CASZ1: variants seen among roughly 807,000 people sequenced by gnomAD.
The protein encoded by CASZ1 is zinc finger protein castor homolog 1.
A neutral mutation model predicts 135.2 loss-of-function variants in CASZ1; 28 were observed. That is an observed-to-expected ratio of 0.21 (90% confidence interval 0.15 to 0.28). The LOEUF is 0.28. Ranked by LOEUF, CASZ1 falls within the 10% of genes least tolerant of loss-of-function variation. The probability of loss-of-function intolerance (pLI) is 1.00; values close to 1 mark genes in which losing one functional copy is unlikely to be tolerated. For synonymous variants in CASZ1, 1,068 were observed against 1,073.4 expected (o/e 0.99, Z 0.10); for missense variants, 2,161 against 2,453.3 (o/e 0.88, Z 2.52).
At position 10,700,068 on chromosome 1, in the gene CASZ1, AAGAG is replaced by A. The variant is rs1243067247; in HGVS notation, c.-24+5420_-24+5423del. 7.0e-4 allele frequency among the ~76,000 whole-genome samples: 55 copies of A among 78,406 alleles called. No homozygotes were observed. The East Asian group carries it at 0.016, about 24-fold the overall frequency. The allele number at this position is 78,406 out of a possible 152,430, so 51.4% of individuals were successfully genotyped here. On this transcript the variant is annotated intron_variant, in intron 3 of 20. Transcript: ENST00000377022. This position sits in a 1 kb window ranked among gnomAD's most constrained non-coding sequence, Gnocchi z 4.2. The stretch of plus-strand genomic sequence containing the variant: ...AGAGAGAAAGAGAGACAGAGAGAGA[AAGAG>A]AGATAGAGACACACACACACACACA...
intron 2 of CASZ1, among the ~76,000 whole-genome samples, chr1:10,715,744 TCCC>T (rs1639372351): frequency 3.1e-5 from 1 of 32,042 alleles, no homozygotes; most frequent in Admixed American, 3.8e-4. Flanking sequence ...CCCAATCCGC[TCCC>T]CACAGCACCC....
chr1:10,644,870 C>T, intron 18 of CASZ1, 47 bp downstream of exon 18: 4 of 1,577,548 alleles, frequency 2.5e-6, no homozygotes, highest in Non-Finnish European at 1.7e-6. Context: ...GGGCCATGGT[C>T]TTGATGCCTG....
rs1363922421 is a variant in CASZ1 at position 10,777,601 on chromosome 1, A to C, written c.-233-16744T>G. Among the ~76,000 whole-genome samples the C allele has an allele frequency of 1.3e-5, 2 of 151,950 alleles. No homozygotes were observed. The highest frequency in any genetic ancestry group is 2.9e-5 in the Non-Finnish European group (2 of 67,952). Reference sequence around the variant, plus strand: ...GAGGGGGAAAGAAGCGACACACAAAAACACAACCACACACACAAACACAAT... The same window carrying C: ...GAGGGGGAAAGAAGCGACACACAAACACACAACCACACACACAAACACAAT... On this transcript the variant is annotated intron_variant, in intron 1 of 20. Coordinates refer to ENST00000377022, the MANE Select transcript of CASZ1 (RefSeq NM_001079843.3). The surrounding 1 kb of genome is among the most constrained non-coding windows in gnomAD (Gnocchi z 4.4).
chr1:10,696,694 A>G (rs1638941249), intron 3 of CASZ1, among the ~76,000 whole-genome samples: 1 of 152,244 alleles, frequency 6.6e-6, no homozygotes, highest in South Asian at 2.1e-4. Context: ...GGCAAGGGAT[A>G]GAAGAGGTGA....
chr1:10,690,737 C>T (rs983307471), intron 4 of CASZ1, among the ~76,000 whole-genome samples: 3 of 152,230 alleles, frequency 2.0e-5, no homozygotes, highest in Admixed American at 1.3e-4. Flanking sequence ...GGCCCTTGAC[C>T]TTGTAGAGCC....
chr1:10,767,654 T>TA lies in CASZ1; in HGVS notation c.-233-6798dup, dbSNP rs1220807491. On this transcript the variant is annotated intron_variant, in intron 1 of 20. Transcript: ENST00000377022. The surrounding 1 kb of genome is among the most constrained non-coding windows in gnomAD (Gnocchi z 4.2). ...GATATTTCCTCTCTCACTTGCTTTTTAAAAAAAATTTAATGTTCTCTATAA... is the reference window on the plus strand; with the variant it reads ...GATATTTCCTCTCTCACTTGCTTTTTAAAAAAAAATTTAATGTTCTCTATAA... 3.3e-5 allele frequency among the ~76,000 whole-genome samples: 5 copies of TA among 152,230 alleles called. No homozygotes were observed. The highest frequency in any genetic ancestry group is 9.6e-5 in the African/African-American group (4 of 41,538).
At chr1:10,675,856 C>A (rs958962259) in intron 4 of CASZ1, among the ~76,000 whole-genome samples, 1 of 150,360 alleles carries the variant, frequency 6.7e-6, no homozygotes, top group Non-Finnish European at 1.5e-5. Context: ...GGGTCCCCAG[C>A]GGCAAAGTCC....
intron 1 of CASZ1, among the ~76,000 whole-genome samples, chr1:10,765,128 C>T (rs145412523): frequency 1.9e-3 from 288 of 152,256 alleles, no homozygotes; most frequent in East Asian, 5.8e-3. Flanking sequence ...CACGGAGACG[C>T]GGGATTGGGA....
At chr1:10,718,432 T>C (rs1444625794) in intron 2 of CASZ1, among the ~76,000 whole-genome samples, 4 of 152,238 alleles carry the variant, frequency 2.6e-5, no homozygotes, top group Non-Finnish European at 5.9e-5. Flanking sequence ...TCTTGGCATT[T>C]AACAGATATA....
chr1:10,729,473 CAGG>C (rs1639663834), intron 2 of CASZ1, among the ~76,000 whole-genome samples: 1 of 152,156 alleles, frequency 6.6e-6, no homozygotes, highest in South Asian at 2.1e-4. Context: ...TCCAGGGAGC[CAGG>C]AGGAGTTGCT....
intron 4 of CASZ1, among the ~76,000 whole-genome samples, chr1:10,686,697 G>A (rs1333831023): frequency 1.3e-5 from 2 of 152,206 alleles, no homozygotes; most frequent in African/African-American, 4.8e-5. Flanking sequence ...TAATGGGGCC[G>A]TAACCGTGGA....
chr1:10,784,100 G>A (rs1640812766), intron 1 of CASZ1, among the ~76,000 whole-genome samples: 1 of 152,120 alleles, frequency 6.6e-6, no homozygotes, highest in East Asian at 1.9e-4. Flanking sequence ...AGTGGGAAAA[G>A]AAGGGCTTAA....
rs115755553 is a variant in CASZ1, at chr1:10,737,312, C to T, written c.-77+23389G>A. ...CAACCCTGGGCGTCCCCCTCACCCT[C>T]GTGGGCCCTCCCCTCTCAGGCTGGG... On this transcript the variant is annotated intron_variant, in intron 2 of 20. Transcript: ENST00000377022. 4.6e-3 allele frequency among the ~76,000 whole-genome samples: 701 copies of T among 152,292 alleles called. 10 individuals are homozygous for T. Among genetic ancestry groups the T allele is most frequent in the African/African-American group, 0.016 (662 of 41,578 alleles).
At chr1:10,731,164 A>C (rs1408802785) in intron 2 of CASZ1, among the ~76,000 whole-genome samples, 1 of 152,206 alleles carries the variant, frequency 6.6e-6, no homozygotes, top group Non-Finnish European at 1.5e-5. Flanking sequence ...TTCCTCAGTG[A>C]GCCAGTATTT....
At position 10,647,282 on chromosome 1, in the gene CASZ1, C is replaced by T; in HGVS notation, c.3497+519G>A. 1 of 998,964 alleles carries T rather than the reference C, an allele frequency of 1.0e-6. No homozygotes were observed. Among genetic ancestry groups the T allele is most frequent in the Non-Finnish European group, 1.2e-6 (1 of 837,094 alleles). 61.9% of individuals were successfully genotyped at this position (998,964 alleles called of 1,614,324 possible). A position where few individuals can be genotyped will look rare whatever the true frequency, so the allele number is the denominator to read the frequency against. ...CACATGACAATACAAAGTCACCGTT[C>T]TCCCTGCAAGGAGCCACCACCATCC... On this transcript the variant is annotated intron_variant, in intron 16 of 20. Coordinates refer to ENST00000377022, the MANE Select transcript of CASZ1 (RefSeq NM_001079843.3). This position sits in a 1 kb window ranked among gnomAD's most constrained non-coding sequence, Gnocchi z 4.9.
chr1:10,647,807 T>C lies in CASZ1; in HGVS notation c.3491A>G (p.Gln1164Arg), dbSNP rs1215736048. 1.9e-6 allele frequency: 3 copies of C among 1,613,464 alleles called. No individual in the cohort carries two copies. The highest frequency in any genetic ancestry group is 2.5e-6 in the Non-Finnish European group (3 of 1,180,024). ...GGCTCATCGAGGGACTCACTTCTCC[T>C]GGAACTGGAGGAATCCGGGTTTGAC... is the stretch of plus-strand genomic sequence containing the variant. ...PQVKPGFLQF[Q>R]ENDPCLATDC... Residue 1164 changes from glutamine to arginine, a missense_variant, in exon 16 of 21, where the codon CAG becomes CGG. Physicochemically the swap from Gln to Arg is conservative, Grantham distance 43 (BLOSUM62 1). Transcript: ENST00000377022. This position sits in a 1 kb window ranked among gnomAD's most constrained non-coding sequence, Gnocchi z 4.9.
chr1:10,713,146 T>C (rs1337582696), intron 2 of CASZ1, among the ~76,000 whole-genome samples: 1 of 152,212 alleles, frequency 6.6e-6, no homozygotes, highest in African/African-American at 2.4e-5. Context: ...TCATTTATAT[T>C]TTAGCTTCGT....
At position 10,741,122 on chromosome 1, in the gene CASZ1, T is replaced by G. The variant is rs1010532310; in HGVS notation, c.-77+19579A>C. ...ATTCTCCTGCCTCAGCCTCCCAAGC[T>G]GGGATTAGAGGCATGTACCTCCAAT... is the stretch of plus-strand genomic sequence containing the variant. On this transcript the variant is annotated intron_variant, in intron 2 of 20. Coordinates refer to ENST00000377022, the MANE Select transcript of CASZ1 (RefSeq NM_001079843.3). The surrounding 1 kb of genome is among the most constrained non-coding windows in gnomAD (Gnocchi z 5.0). Among the ~76,000 whole-genome samples, 7 of 152,054 alleles carry G rather than the reference T, an allele frequency of 4.6e-5. No homozygotes were observed. Among genetic ancestry groups the G allele is most frequent in the African/African-American group, 1.7e-4 (7 of 41,406 alleles).
Position 10,778,887 on chromosome 1 carries a change from G to A in CASZ1, c.-234+17677C>T, listed in dbSNP as rs185752484. Among the ~76,000 whole-genome samples the A allele has an allele frequency of 4.3e-3, 651 of 152,258 alleles. 2 individuals carry two copies. The highest frequency in any genetic ancestry group is 7.1e-3 in the Non-Finnish European group (480 of 68,024). ...GGAGGTCTCTGCTCCCAGCCTGACC[G>A]CTGGCTGCAACCCTTTCTCCCTGGG... On this transcript the variant is annotated intron_variant, in intron 1 of 20. Transcript: ENST00000377022.
Sources: allele counts gnomAD v4.1 joint callset (sites outside exome capture counted in the v4.1 genomes callset), GRCh38; gene constraint gnomAD v4.1.1; non-coding constraint Gnocchi (gnomAD v3.1); transcripts MANE v1.5; gene names NCBI Gene and HGNC (gene_info 2026-07-23, HGNC 2026-07-21).